The following RAB11FIP4 variants were observed in gnomAD, a reference collection of about 807,000 sequenced individuals.
The protein encoded by RAB11FIP4 is RAB11 family interacting protein 4.
Under a neutral mutation model 74.3 loss-of-function variants are expected in RAB11FIP4, and 23 were observed. The observed-to-expected ratio is 0.31, with a 90% CI of 0.22 to 0.44. The LOEUF is 0.44. RAB11FIP4 is among the 20% of genes least tolerant of loss of function. The probability of loss-of-function intolerance (pLI) is 1.00; values close to 1 mark genes in which losing one functional copy is unlikely to be tolerated. For missense variants in RAB11FIP4, 630 were observed against 863.9 expected (o/e 0.73, Z 3.39); for synonymous variants, 360 against 359.9 (o/e 1.00, Z 0.00).
At chr17:31,400,488 C>G (rs1345675720) in intron 1 of RAB11FIP4, among the ~76,000 whole-genome samples, 1 of 152,150 alleles carries the variant, frequency 6.6e-6, no homozygotes, top group Non-Finnish European at 1.5e-5. Flanking sequence ...GGAGGAGATA[C>G]AGGATCAGAC....
At chr17:31,482,300 A>T (rs1171710359) in intron 3 of RAB11FIP4, among the ~76,000 whole-genome samples, 1 of 151,986 alleles carries the variant, frequency 6.6e-6, no homozygotes, top group South Asian at 2.1e-4. Flanking sequence ...TTTTCTAAAT[A>T]AAAAATTGGG....
At chr17:31,453,355 C>CAAAAAAAAAAAAAAAAAA (rs747844559) in intron 3 of RAB11FIP4, among the ~76,000 whole-genome samples, 3 of 71,812 alleles carry the variant, frequency 4.2e-5, no homozygotes, top group Admixed American at 1.9e-4. Flanking sequence ...GACCCTACCT[C>CAAAAAAAAAAAAAAAAAA]AAAAAAAAAA....
intron 1 of RAB11FIP4, among the ~76,000 whole-genome samples, chr17:31,400,507 A>C (rs969754734): frequency 6.6e-6 from 1 of 152,092 alleles, no homozygotes; most frequent in Non-Finnish European, 1.5e-5. Flanking sequence ...ACTTAGGTTT[A>C]ATGGGGACCA....
At chr17:31,446,027 AT>A (rs2071460769) in intron 3 of RAB11FIP4, among the ~76,000 whole-genome samples, 1 of 136,212 alleles carries the variant, frequency 7.3e-6, no homozygotes, top group African/African-American at 2.8e-5. Context: ...CTTTCTTTCT[AT>A]TTTTTTCTTT....
chr17:31,480,162 G>A (rs1006424), intron 3 of RAB11FIP4, among the ~76,000 whole-genome samples: 23,253 of 151,974 alleles, frequency 0.15, 2,006 homozygotes, highest in South Asian at 0.29. Context: ...TTTCTCCACT[G>A]CTCCACACGG....
chr17:31,498,654 A>G (rs1316567869), intron 3 of RAB11FIP4, among the ~76,000 whole-genome samples: 1 of 152,136 alleles, frequency 6.6e-6, no homozygotes, highest in Non-Finnish European at 1.5e-5. Flanking sequence ...GCTGGGTGGG[A>G]ACCCACCCTG....
At chr17:31,462,030 G>A (rs559658810) in intron 3 of RAB11FIP4, among the ~76,000 whole-genome samples, 375 of 152,286 alleles carry the variant, frequency 2.5e-3, no homozygotes, top group African/African-American at 8.2e-3. Flanking sequence ...GGGAGGCCAA[G>A]ATGGGTGGAT....
At chr17:31,505,635 T>TA in intron 3 of RAB11FIP4, among the ~76,000 whole-genome samples, 4 of 101,222 alleles carry the variant, frequency 4.0e-5, no homozygotes, top group African/African-American at 1.7e-4. Context: ...AATTATATAA[T>TA]AATAATTATA....
At chr17:31,418,012 A>T (rs2151622369) in intron 1 of RAB11FIP4, among the ~76,000 whole-genome samples, 1 of 152,270 alleles carries the variant, frequency 6.6e-6, no homozygotes, top group South Asian at 2.1e-4. Context: ...GATCCCTTCA[A>T]CCTGGGAGGT....
At chr17:31,436,811 G>A (rs2071362911) in intron 3 of RAB11FIP4, among the ~76,000 whole-genome samples, 2 of 144,326 alleles carry the variant, frequency 1.4e-5, no homozygotes, top group East Asian at 2.0e-4. Flanking sequence ...TTTTTGAGAC[G>A]GCATCTTGCT....
At chr17:31,457,931 C>A (rs111653901) in intron 3 of RAB11FIP4, among the ~76,000 whole-genome samples, 1,835 of 152,260 alleles carry the variant, frequency 0.012, 45 homozygotes, top group African/African-American at 0.041. Context: ...ATTCTCAACA[C>A]AGGGAACCTT....
chr17:31,468,768 T>G (rs2071710360), intron 3 of RAB11FIP4, among the ~76,000 whole-genome samples: 1 of 151,836 alleles, frequency 6.6e-6, no homozygotes, highest in Non-Finnish European at 1.5e-5. Context: ...AGGCGGAGGT[T>G]GCAGTGAGCC....
chr17:31,513,042 T>C (rs577526151), intron 3 of RAB11FIP4, among the ~76,000 whole-genome samples: 1 of 152,216 alleles, frequency 6.6e-6, no homozygotes, highest in African/African-American at 2.4e-5. Context: ...GGTGAGGATG[T>C]AGACCGTGCA....
intron 1 of RAB11FIP4, among the ~76,000 whole-genome samples, chr17:31,396,952 CCTG>C (rs965983239): frequency 5.3e-5 from 8 of 152,232 alleles, no homozygotes; most frequent in Admixed American, 5.2e-4. Context: ...TGAGCTAATG[CCTG>C]CTATGGGGGA....
intron 3 of RAB11FIP4, among the ~76,000 whole-genome samples, chr17:31,492,454 G>A (rs1373364538): frequency 2.0e-5 from 3 of 152,074 alleles, no homozygotes; most frequent in Non-Finnish European, 4.4e-5. Context: ...TTGGTGGGTG[G>A]GGCTTCAGCA....
chr17:31,503,303 G>A (rs2072256389), intron 3 of RAB11FIP4, among the ~76,000 whole-genome samples: 1 of 149,824 alleles, frequency 6.7e-6, no homozygotes, highest in Non-Finnish European at 1.5e-5. Flanking sequence ...AAAGTGCTGG[G>A]ATTGTAGGTG....
intron 3 of RAB11FIP4, among the ~76,000 whole-genome samples, chr17:31,459,433 C>T (rs1454577333): frequency 1.3e-5 from 2 of 152,150 alleles, no homozygotes; most frequent in Non-Finnish European, 2.9e-5. Flanking sequence ...CAGATACTCT[C>T]ATTCCTCTCT....
intron 3 of RAB11FIP4, among the ~76,000 whole-genome samples, chr17:31,462,905 G>C (rs1252351201): frequency 6.6e-6 from 1 of 152,124 alleles, no homozygotes; most frequent in African/African-American, 2.4e-5. Context: ...CAAAGTGCTG[G>C]CATTACAGGC....
At chr17:31,486,078 A>G (rs1181526700) in intron 3 of RAB11FIP4, among the ~76,000 whole-genome samples, 1 of 152,062 alleles carries the variant, frequency 6.6e-6, no homozygotes, top group Admixed American at 6.6e-5. Context: ...TACTAAAAAT[A>G]CAAAAATTAG....
Sources: gnomAD v4.1 joint callset for allele counts (sites outside exome capture counted in the v4.1 genomes callset) on GRCh38, gnomAD v4.1.1 for gene constraint, MANE v1.5 for transcripts, NCBI Gene and HGNC (gene_info 2026-07-23, HGNC 2026-07-21) for gene names.